Variants in RALYL observed in about 807,000 individuals in gnomAD.
RALYL encodes RALY RNA binding protein like.
In RALYL, 29 loss-of-function variants were observed where a neutral mutation model predicts 35.1. That is an observed-to-expected ratio of 0.83 (90% CI 0.61 to 1.13). RALYL has a LOEUF of 1.13. Among genes scored for constraint, RALYL ranks in the 50% most tolerant of loss-of-function variants. The probability of loss-of-function intolerance (pLI) is 0.00; values close to 1 mark genes in which losing one functional copy is unlikely to be tolerated. For missense variants in RALYL, 359 were observed against 360.4 expected, an observed-to-expected ratio of 1.00 and a Z score of 0.03; for synonymous variants, 120 against 127.6, an observed-to-expected ratio of 0.94 and a Z score of 0.40.
intron 3 of RALYL, 83 bp downstream of exon 3, chr8:84,774,737 C>T: frequency 1.2e-6 from 1 of 835,486 alleles, no homozygotes; most frequent in East Asian, 2.7e-5. Context: ...TGTAAGGCAT[C>T]CACTATTTAA....
At chr8:84,441,535 C>A (rs182137355) in intron 1 of RALYL, among the ~76,000 whole-genome samples, 290 of 152,184 alleles carry the variant, frequency 1.9e-3, no homozygotes, top group African/African-American at 6.6e-3. Context: ...TATTTTTGAG[C>A]TAGCTACAAA....
At chr8:84,406,074 AAAG>A (rs2043459487) in intron 1 of RALYL, among the ~76,000 whole-genome samples, 1 of 151,556 alleles carries the variant, frequency 6.6e-6, no homozygotes. Context: ...AAAAAAAAAA[AAAG>A]AATAACAAAA....
At chr8:84,668,445 G>A (rs1832519324) in intron 2 of RALYL, among the ~76,000 whole-genome samples, 1 of 152,104 alleles carries the variant, frequency 6.6e-6, no homozygotes, top group Non-Finnish European at 1.5e-5. Flanking sequence ...CAGAACAGCT[G>A]TAATAAAGAC....
At chr8:84,698,904 C>A (rs1200155308) in intron 2 of RALYL, among the ~76,000 whole-genome samples, 1 of 152,118 alleles carries the variant, frequency 6.6e-6, no homozygotes, top group Non-Finnish European at 1.5e-5. Context: ...TAGCTACAAT[C>A]TGGCCACTGA....
chr8:84,650,044 T>C (rs1828391965), intron 2 of RALYL, among the ~76,000 whole-genome samples: 1 of 152,154 alleles, frequency 6.6e-6, no homozygotes, highest in African/African-American at 2.4e-5. Flanking sequence ...TTTGAAGCAA[T>C]TGTGAATGGG....
rs2047076774 is a variant in RALYL at position 84,430,964 on chromosome 8, G to A, written c.-23-98335G>A. ...CTTCATAATGTCCTACTTATTTCCTGTGTTATGTGAGGTTTGTCACTTAAC... is the reference window on the plus strand; with the variant it reads ...CTTCATAATGTCCTACTTATTTCCTATGTTATGTGAGGTTTGTCACTTAAC... On this transcript the variant is annotated intron_variant, in intron 1 of 8. Coordinates refer to ENST00000521268, the MANE Select transcript of RALYL (RefSeq NM_173848.7). 3.3e-5 allele frequency among the ~76,000 whole-genome samples: 5 copies of A among 152,062 alleles called. No homozygotes were observed. In the South Asian group the frequency reaches 1.0e-3, roughly 32 times the overall value.
At chr8:84,609,990 G>A (rs1290735838) in intron 2 of RALYL, among the ~76,000 whole-genome samples, 1 of 151,996 alleles carries the variant, frequency 6.6e-6, no homozygotes, top group African/African-American at 2.4e-5. Flanking sequence ...ACTATCATGA[G>A]AACAACATAC....
chr8:84,634,571 T>A (rs1824622191), intron 2 of RALYL, among the ~76,000 whole-genome samples: 1 of 151,858 alleles, frequency 6.6e-6, no homozygotes, highest in African/African-American at 2.4e-5. Flanking sequence ...TCTCATGTAT[T>A]CAGTACATTT....
intron 4 of RALYL, among the ~76,000 whole-genome samples, chr8:84,844,371 C>A (rs1834125210): frequency 6.6e-6 from 1 of 152,192 alleles, no homozygotes; most frequent in African/African-American, 2.4e-5. Flanking sequence ...TGAAAAAATG[C>A]TCACCATCAC....
At chr8:84,436,473 A>G (rs1182529679) in intron 1 of RALYL, among the ~76,000 whole-genome samples, 1 of 151,438 alleles carries the variant, frequency 6.6e-6, no homozygotes, top group East Asian at 1.9e-4. Context: ...TCATGTCTTT[A>G]AAAAACAAAC....
chr8:84,506,494 A>T (rs1425276140), intron 1 of RALYL, among the ~76,000 whole-genome samples: 1 of 152,112 alleles, frequency 6.6e-6, no homozygotes. Context: ...AATGCTAATA[A>T]TCAAAATATT....
intron 2 of RALYL, among the ~76,000 whole-genome samples, chr8:84,632,977 T>G (rs1285530582): frequency 6.6e-6 from 1 of 151,886 alleles, no homozygotes; most frequent in Non-Finnish European, 1.5e-5. Flanking sequence ...AGATTCAGTT[T>G]AAATATCTAT....
chr8:84,725,646 G>A (rs552937006), intron 2 of RALYL, among the ~76,000 whole-genome samples: 10 of 151,520 alleles, frequency 6.6e-5, no homozygotes, highest in Non-Finnish European at 1.0e-4. Context: ...GGTAATATAC[G>A]TCTGTGAGCC....
chr8:84,405,196 C>G (rs918823713), intron 1 of RALYL, among the ~76,000 whole-genome samples: 10 of 152,134 alleles, frequency 6.6e-5, no homozygotes, highest in Middle Eastern at 3.2e-3. Flanking sequence ...ACCAGTATCT[C>G]TGGAACACAG....
chr8:84,360,692 G>A (rs941405995), intron 1 of RALYL, among the ~76,000 whole-genome samples: 1 of 152,180 alleles, frequency 6.6e-6, no homozygotes, highest in Non-Finnish European at 1.5e-5. Context: ...GAGTGAGGTT[G>A]TAGGATTTGG....
chr8:84,307,437 T>C (rs1004025807), intron 1 of RALYL, among the ~76,000 whole-genome samples: 2 of 152,218 alleles, frequency 1.3e-5, no homozygotes, highest in African/African-American at 4.8e-5. Context: ...GTTTGCCCTC[T>C]CTTGTCAATT....
In RALYL at chr8:84,819,823, G is replaced by GTACTT. The variant is rs1586538333; in HGVS notation, c.365+15024_365+15028dup. On this transcript the variant is annotated intron_variant, in intron 4 of 8. Coordinates refer to ENST00000521268, the MANE Select transcript of RALYL (RefSeq NM_173848.7). The stretch of plus-strand genomic sequence containing the variant: ...TGCTTATAAAGAAAGCAGTGGTGCA[G>GTACTT]TACTTTATAGTTGATGATATTTCAA... Among the ~76,000 whole-genome samples the GTACTT allele has an allele frequency of 2.6e-5, 4 of 152,258 alleles. No homozygotes were observed. In the East Asian group the frequency reaches 7.7e-4, roughly 29 times the overall value.
chr8:84,916,541 A>G (rs1343362230), intron 8 of RALYL, among the ~76,000 whole-genome samples: 1 of 151,962 alleles, frequency 6.6e-6, no homozygotes. Context: ...GTTTCCCTGC[A>G]CAGGCTCTCT....
At chr8:84,501,702 ATCTG>A (rs1358733396) in intron 1 of RALYL, among the ~76,000 whole-genome samples, 3 of 151,722 alleles carry the variant, frequency 2.0e-5, no homozygotes, top group African/African-American at 7.2e-5. Context: ...ATCTACATTT[ATCTG>A]TCTGTCTCTT....
Sources: gnomAD v4.1 joint callset for allele counts (sites outside exome capture counted in the v4.1 genomes callset) on GRCh38, gnomAD v4.1.1 for gene constraint, MANE v1.5 for transcripts, NCBI Gene and HGNC (gene_info 2026-07-23, HGNC 2026-07-21) for gene names.